The following ABLIM1 variants were observed in gnomAD, a reference collection of about 807,000 sequenced individuals.
ABLIM1 encodes the protein actin-binding LIM protein 1.
In ABLIM1, 40 loss-of-function variants were observed where a neutral mutation model predicts 107.0. The observed-to-expected ratio is 0.37, with a 90% CI of 0.29 to 0.49. ABLIM1 has a LOEUF of 0.49. Among genes scored for constraint, ABLIM1 ranks in the 20% least tolerant of loss-of-function variants. The pLI is 0.97. For missense variants in ABLIM1, 857 were observed against 1,008.5 expected (o/e 0.85, Z 2.04); for synonymous variants, 357 against 357.3 (o/e 1.00, Z 0.01).
intron 12 of ABLIM1, among the ~76,000 whole-genome samples, chr10:114,456,282 A>T (rs939378706): frequency 6.6e-5 from 10 of 152,222 alleles, no homozygotes; most frequent in African/African-American, 2.4e-4. Flanking sequence ...TGTGTACAGC[A>T]CTGGGCTCAC....
chr10:114,468,077 G>A (rs2065571778), intron 11 of ABLIM1, 104 bp downstream of exon 11: 5 of 1,078,690 alleles, frequency 4.6e-6, no homozygotes, highest in Non-Finnish European at 7.1e-6. Context: ...CAGTTTTTCT[G>A]TTCTTTTGTA....
At chr10:114,704,632 G>GGGGGGT (rs1474659359) in intron 1 of ABLIM1, among the ~76,000 whole-genome samples, 2 of 151,146 alleles carry the variant, frequency 1.3e-5, no homozygotes, top group Non-Finnish European at 2.9e-5. Flanking sequence ...GTCATTCTAA[G>GGGGGGT]GGGGGTGGGG....
At chr10:114,455,859 C>CTGGA (rs1275973354) in intron 12 of ABLIM1, among the ~76,000 whole-genome samples, 1 of 148,904 alleles carries the variant, frequency 6.7e-6, no homozygotes. Flanking sequence ...GTCGCCCAGG[C>CTGGA]TGGAGTGCAG....
chr10:114,695,273 A>G (rs1253214474), intron 1 of ABLIM1, among the ~76,000 whole-genome samples: 1 of 152,210 alleles, frequency 6.6e-6, no homozygotes, highest in Non-Finnish European at 1.5e-5. Flanking sequence ...ATTTTAAAAT[A>G]TCATCATCAA....
intron 2 of ABLIM1, among the ~76,000 whole-genome samples, chr10:114,580,839 A>AT (rs939626335): frequency 1.1e-4 from 16 of 152,194 alleles, no homozygotes; most frequent in African/African-American, 2.9e-4. Flanking sequence ...GTATATTTAG[A>AT]TTTTTACTTT....
intron 6 of ABLIM1, among the ~76,000 whole-genome samples, chr10:114,540,307 A>G (rs1034729325): frequency 7.9e-5 from 12 of 152,334 alleles, no homozygotes; most frequent in Middle Eastern, 3.4e-3. Flanking sequence ...TCTTGGAATT[A>G]CACGTATATT....
intron 8 of ABLIM1, among the ~76,000 whole-genome samples, chr10:114,486,722 C>T (rs192836229): frequency 1.3e-5 from 2 of 151,690 alleles, no homozygotes; most frequent in Non-Finnish European, 2.9e-5. Context: ...TTTTTTTTCC[C>T]CCTCAACTTA....
intron 22 of ABLIM1, among the ~76,000 whole-genome samples, chr10:114,437,596 G>C (rs2059603286): frequency 6.6e-6 from 1 of 151,572 alleles, no homozygotes; most frequent in African/African-American, 2.4e-5. Flanking sequence ...TGGGATTATG[G>C]GCGTGAGCCA....
At chr10:114,794,293 C>A in the ABLIM1 span, among the ~76,000 whole-genome samples, 1 of 152,212 alleles carries the variant, frequency 6.6e-6, no homozygotes, top group Non-Finnish European at 1.5e-5. Context: ...TATTATATCT[C>A]TTTTGTTTAT....
intron 12 of ABLIM1, among the ~76,000 whole-genome samples, chr10:114,457,949 TG>T (rs1239544407): frequency 2.0e-5 from 3 of 152,156 alleles, no homozygotes; most frequent in Non-Finnish European, 2.9e-5. Flanking sequence ...GGCAGGCATC[TG>T]TAATCCCAGC....
At chr10:114,490,036 T>G (rs1205044575) in intron 7 of ABLIM1, among the ~76,000 whole-genome samples, 1 of 152,170 alleles carries the variant, frequency 6.6e-6, no homozygotes, top group Non-Finnish European at 1.5e-5. Flanking sequence ...AGAGACAGGG[T>G]TGATTGGCAC....
intron 1 of ABLIM1, among the ~76,000 whole-genome samples, chr10:114,752,157 C>A (rs1293684716): frequency 6.6e-6 from 1 of 152,080 alleles, no homozygotes; most frequent in Non-Finnish European, 1.5e-5. Context: ...AGTTTCAGGT[C>A]TTGTAAGTGG....
chr10:114,490,974 A>ATGTG lies in ABLIM1; in HGVS notation c.982+813_982+816dup, dbSNP rs140256636. Among the ~76,000 whole-genome samples, 32 of 99,224 alleles carry ATGTG rather than the reference A, an allele frequency of 3.2e-4. 1 individual carries two copies. Among genetic ancestry groups the ATGTG allele is most frequent in the African/African-American group, 7.5e-4 (19 of 25,434 alleles). 65.1% of individuals were successfully genotyped at this position (99,224 alleles called of 152,430 possible). ...GTGAGCCACCACGCCCGGCATATAT[A>ATGTG]TGTGTGTGTGTGTGTGTGTGTGTGT... is the stretch of plus-strand genomic sequence containing the variant. On this transcript the variant is annotated intron_variant, in intron 7 of 22. Coordinates refer to ENST00000533213, the MANE Select transcript of ABLIM1 (RefSeq NM_002313.7).
chr10:114,443,859 G>A (rs1412020020), intron 17 of ABLIM1, among the ~76,000 whole-genome samples, 170 bp downstream of exon 17: 1 of 152,010 alleles, frequency 6.6e-6, no homozygotes, highest in Non-Finnish European at 1.5e-5. Context: ...ACACATTTAT[G>A]GAAGACCCAT....
At chr10:114,614,360 G>A (rs1324391329) in intron 1 of ABLIM1, among the ~76,000 whole-genome samples, 1 of 152,128 alleles carries the variant, frequency 6.6e-6, no homozygotes, top group Non-Finnish European at 1.5e-5. Flanking sequence ...GCTGAGACAG[G>A]AGAATCGCTT....
At chr10:114,553,455 A>T (rs1411415426) in intron 4 of ABLIM1, among the ~76,000 whole-genome samples, 1 of 152,232 alleles carries the variant, frequency 6.6e-6, no homozygotes, top group African/African-American at 2.4e-5. Flanking sequence ...TGCAGGACTT[A>T]TCAAAAGATG....
intron 1 of ABLIM1, among the ~76,000 whole-genome samples, chr10:114,693,564 C>T (rs938825089): frequency 3.9e-5 from 6 of 152,208 alleles, no homozygotes; most frequent in Admixed American, 1.3e-4. Context: ...CCTCGCACAG[C>T]GCACAGCCAT....
intron 1 of ABLIM1, among the ~76,000 whole-genome samples, chr10:114,699,025 A>T (rs2081253417): frequency 6.6e-6 from 1 of 151,796 alleles, no homozygotes; most frequent in Non-Finnish European, 1.5e-5. Flanking sequence ...ATCTTCAAGA[A>T]AGTAGATTTC....
upstream of ABLIM1, among the ~76,000 whole-genome samples, chr10:114,769,457 AAGAAAGAAAGAAAGAAAGAAAG>A (rs1185875570): frequency 7.6e-4 from 72 of 94,558 alleles, no homozygotes; most frequent in African/African-American, 2.6e-3. Context: ...GAAAGAAAGA[AAGAAAGAAAGAAAGAAAGAAAG>A]AGAAAGAAAG....
Sources: allele counts gnomAD v4.1 joint callset (sites outside exome capture counted in the v4.1 genomes callset), GRCh38; gene constraint gnomAD v4.1.1; transcripts MANE v1.5; gene names NCBI Gene and HGNC (gene_info 2026-07-23, HGNC 2026-07-21).